The following UROC1 variants were observed in gnomAD, a reference collection of about 807,000 sequenced individuals.
The protein encoded by UROC1 is urocanate hydratase.
In UROC1, 79 loss-of-function variants were observed where a neutral mutation model predicts 89.5. The observed-to-expected ratio is 0.88, with a 90% CI of 0.74 to 1.06. The LOEUF (loss-of-function observed/expected upper bound fraction) is 1.06, where lower values mean the gene tolerates loss of function less well. UROC1 is among the 50% of genes least tolerant of loss of function. The probability of loss-of-function intolerance (pLI) is 0.00; values close to 1 mark genes in which losing one functional copy is unlikely to be tolerated. For synonymous variants in UROC1, 361 were observed against 354.8 expected, an observed-to-expected ratio of 1.02 and a Z score of -0.20; for missense variants, 885 against 907.8, an observed-to-expected ratio of 0.97 and a Z score of 0.32.
intron 6 of UROC1, among the ~76,000 whole-genome samples, 168 bp downstream of exon 6, chr3:126,507,574 G>A (rs907785331): frequency 6.6e-6 from 1 of 152,184 alleles, no homozygotes; most frequent in Non-Finnish European, 1.5e-5. Flanking sequence ...TATAAAATTT[G>A]TAAGCATATA....
At chr3:126,513,677 G>T (rs1936242254) in intron 1 of UROC1, among the ~76,000 whole-genome samples, 1 of 152,196 alleles carries the variant, frequency 6.6e-6, no homozygotes. Context: ...GTGCCCAGCT[G>T]TCAAAACTGT....
In UROC1 at chr3:126,507,808, A is replaced by G; in HGVS notation, c.541-5T>C. On this transcript the variant is annotated splice_polypyrimidine_tract_variant and splice_region_variant and intron_variant, in intron 5 of 19. Transcript: ENST00000290868. ...GGAGGAGTAGTTGGGAATGACCTGGAGAAGAGGATGGGGGCAGACAGAGGG... is the reference window on the plus strand; with the variant it reads ...GGAGGAGTAGTTGGGAATGACCTGGGGAAGAGGATGGGGGCAGACAGAGGG... 1 of 1,614,122 alleles carries G rather than the reference A, an allele frequency of 6.2e-7. No individual in the cohort carries two copies. Among genetic ancestry groups the G allele is most frequent in the Non-Finnish European group, 8.5e-7 (1 of 1,180,018 alleles).
Position 126,505,090 on chromosome 3 carries a change from C to T in UROC1, c.813+611G>A, listed in dbSNP as rs1936022754. Among the ~76,000 whole-genome samples the T allele has an allele frequency of 2.0e-5, 3 of 152,158 alleles. 1 individual carries two copies. The South Asian group carries it at 6.2e-4, about 32-fold the overall frequency. On this transcript the variant is annotated intron_variant, in intron 8 of 19. Transcript: ENST00000290868. ...CTCTCTCACCGTGTGACCCACCAGA[C>T]CCCCTTCACCTTCCACCATGAGTGG...
intron 13 of UROC1, among the ~76,000 whole-genome samples, chr3:126,498,395 C>T (rs930349109): frequency 6.6e-6 from 1 of 152,168 alleles, no homozygotes; most frequent in African/African-American, 2.4e-5. Context: ...TCTCTAGCTA[C>T]AGGAGTGGGG....
rs750520612 is a variant in UROC1, at chr3:126,500,720, C to T, written c.1120G>A (p.Val374Met). 4 of 1,614,156 alleles carry T rather than the reference C, an allele frequency of 2.5e-6. No homozygotes were observed. Among genetic ancestry groups the T allele is most frequent in the Non-Finnish European group, 3.4e-6 (4 of 1,180,038 alleles). Residue 374 changes from valine to methionine, a missense_variant, in exon 11 of 20, where the codon GTG becomes ATG. Val to Met is a conservative substitution (Grantham distance 21). Transcript: ENST00000290868. ...CTTTCCTGGACCAGGTCCTTGAACA[C>T]AGCAGGGTTGGAGGCCATGAGGCTC... ...AQSLMASNPA[V>M]FKDLVQESLR...
In UROC1 at chr3:126,505,852, G is replaced by T. The variant is rs955244678; in HGVS notation, c.670-8C>A. The stretch of plus-strand genomic sequence containing the variant: ...AGCATTCAACACGGTGAGCTGCAGG[G>T]AGAAGAGGTGGGGGCTCACTGCCCA... On this transcript the variant is annotated splice_region_variant and splice_polypyrimidine_tract_variant and intron_variant, in intron 7 of 19. Coordinates refer to ENST00000290868, the MANE Select transcript of UROC1 (RefSeq NM_144639.3). 1 of 1,613,540 alleles carries T rather than the reference G, an allele frequency of 6.2e-7. No homozygotes were observed.
chr3:126,515,187 C>T (rs1006002001), intron 1 of UROC1, among the ~76,000 whole-genome samples: 14 of 152,128 alleles, frequency 9.2e-5, no homozygotes, highest in African/African-American at 2.2e-4. Flanking sequence ...AGCCACAGGG[C>T]GCCGCAGGGG....
intron 8 of UROC1, 139 bp downstream of exon 8, chr3:126,505,562 G>A (rs112565628): frequency 4.1e-5 from 56 of 1,374,592 alleles, no homozygotes; most frequent in South Asian, 3.0e-4. Context: ...GTGGGGCTTC[G>A]TGGAGGAGGC....
At chr3:126,493,386 C>T (rs917877267) in intron 15 of UROC1, among the ~76,000 whole-genome samples, 2 of 152,172 alleles carry the variant, frequency 1.3e-5, no homozygotes, top group Admixed American at 6.5e-5. Flanking sequence ...GCGTGGTGCA[C>T]GGATGAACCA....
Position 126,500,693 on chromosome 3 carries a change from A to C in UROC1, c.1145+2T>G, listed in dbSNP as rs746802188. The stretch of plus-strand genomic sequence containing the variant: ...TCTGCCACCCCCAACTCCAAGTAGC[A>C]CCTTTCCTGGACCAGGTCCTTGAAC... On this transcript the variant is annotated splice_donor_variant, in intron 11 of 19. Coordinates refer to ENST00000290868, the MANE Select transcript of UROC1 (RefSeq NM_144639.3). LOFTEE classifies it high-confidence loss of function. 6.2e-7 allele frequency: 1 copy of C among 1,614,026 alleles called. No homozygotes were observed. Among genetic ancestry groups the C allele is most frequent in the Non-Finnish European group, 8.5e-7 (1 of 1,180,012 alleles).
rs1225911225 is a variant in UROC1, at chr3:126,508,494, C to T, written c.352-19G>A. ...GGGGAAACTGAGGAAGACACGGGGT[C>T]ATCTGAGATGAGGGCCTGGGAAGGG... On this transcript the variant is annotated intron_variant, in intron 3 of 19. Transcript: ENST00000290868. 4 of 1,610,152 alleles carry T rather than the reference C, an allele frequency of 2.5e-6. No individual in the cohort carries two copies. Among genetic ancestry groups the T allele is most frequent in the African/African-American group, 2.7e-5 (2 of 74,820 alleles).
intron 9 of UROC1, among the ~76,000 whole-genome samples, chr3:126,501,488 CAG>C (rs980934029): frequency 1.3e-5 from 2 of 152,200 alleles, no homozygotes; most frequent in African/African-American, 4.8e-5. Context: ...AGGGAAAATC[CAG>C]ACCCAAATTC....
intron 15 of UROC1, among the ~76,000 whole-genome samples, chr3:126,494,836 C>G (rs1364040875): frequency 6.6e-6 from 1 of 151,954 alleles, no homozygotes; most frequent in Non-Finnish European, 1.5e-5. Flanking sequence ...CCCACCCCTC[C>G]CTGCTGGTGC....
chr3:126,494,055 G>A (rs1401457616), intron 15 of UROC1, among the ~76,000 whole-genome samples: 1 of 152,188 alleles, frequency 6.6e-6, no homozygotes, highest in Non-Finnish European at 1.5e-5. Context: ...CTACTCGTGT[G>A]AATCAGCACT....
chr3:126,497,986 T>A (rs13098666), intron 14 of UROC1, 65 bp downstream of exon 14: 409,332 of 1,611,762 alleles, frequency 0.25, 55,248 homozygotes, highest in East Asian at 0.56. Flanking sequence ...TAGAAGCTTG[T>A]CTCTATGGAG....
At chr3:126,485,539 G>T (rs977492822) in intron 18 of UROC1, among the ~76,000 whole-genome samples, 2 of 151,910 alleles carry the variant, frequency 1.3e-5, no homozygotes, top group Non-Finnish European at 2.9e-5. Context: ...TGCTAGAAAT[G>T]CTGAATCTCC....
In UROC1 at chr3:126,488,227, G is replaced by A. The variant is rs1560115912; in HGVS notation, c.1761C>T (p.Val587=). 3 of 1,614,180 alleles carry A rather than the reference G, an allele frequency of 1.9e-6. No individual in the cohort carries two copies. Among genetic ancestry groups the A allele is most frequent in the Non-Finnish European group, 1.7e-6 (2 of 1,180,038 alleles). Residue 587 remains valine, a synonymous_variant, in exon 18 of 20, where the codon GTC becomes GTT. Coordinates refer to ENST00000290868, the MANE Select transcript of UROC1 (RefSeq NM_144639.3). The part of the protein sequence containing the change: ...VGDACRGATW[V]ALHNGGGVGW... ...CCACGCCCCCTCCGTTGTGAAGGGC[G>A]ACCCAGGTGGCTCCGCGACAGGCAT...
intron 3 of UROC1, among the ~76,000 whole-genome samples, chr3:126,509,356 C>T (rs1487241270): frequency 6.6e-6 from 1 of 151,816 alleles, no homozygotes; most frequent in East Asian, 1.9e-4. Flanking sequence ...TAAAATTGGA[C>T]GTGTGTCCAC....
At chr3:126,502,641 TGTGTG>T in intron 9 of UROC1, among the ~76,000 whole-genome samples, 1 of 151,952 alleles carries the variant, frequency 6.6e-6, no homozygotes, top group East Asian at 1.9e-4. Context: ...TGTGTGTGCA[TGTGTG>T]CACTCTGTGT....
Sources: gnomAD v4.1 joint callset for allele counts (sites outside exome capture counted in the v4.1 genomes callset) on GRCh38, gnomAD v4.1.1 for gene constraint, MANE v1.5 for transcripts, NCBI Gene and HGNC (gene_info 2026-07-23, HGNC 2026-07-21) for gene names.